The following PDE1C variants were observed in gnomAD, a reference collection of about 807,000 sequenced individuals.
The protein encoded by PDE1C is dual specificity calcium/calmodulin-dependent 3',5'-cyclic nucleotide phosphodiesterase 1C.
A neutral mutation model predicts 93.1 loss-of-function variants in PDE1C; 62 were observed. The ratio of observed to expected loss-of-function variants is 0.67; its 90% CI spans 0.54 to 0.82. The LOEUF is 0.82. Among genes scored for constraint, PDE1C ranks in the 40% least tolerant of loss-of-function variants. The pLI is 0.00. For synonymous variants in PDE1C, 325 were observed against 310.1 expected (o/e 1.05, Z -0.50); for missense variants, 742 against 884.6 (o/e 0.84, Z 2.04).
At chr7:31,893,958 G>C (rs1459097937) in intron 2 of PDE1C, among the ~76,000 whole-genome samples, 1 of 152,072 alleles carries the variant, frequency 6.6e-6, no homozygotes, top group Non-Finnish European at 1.5e-5. Flanking sequence ...TGTAAGATTT[G>C]TTTTAAATGA....
intron 3 of PDE1C, among the ~76,000 whole-genome samples, chr7:32,112,533 T>C (rs1336802711): frequency 1.3e-5 from 2 of 151,954 alleles, no homozygotes; most frequent in Admixed American, 6.6e-5. Context: ...AACAGAATCA[T>C]AGCTCATGGC....
At chr7:32,358,820 A>G (rs1331438195) in intron 1 of PDE1C, among the ~76,000 whole-genome samples, 1 of 149,140 alleles carries the variant, frequency 6.7e-6, no homozygotes, top group African/African-American at 2.5e-5. Context: ...CCAGCATTCC[A>G]TATCTCCCTC....
At chr7:32,231,716 A>G (rs1156830637) in intron 1 of PDE1C, among the ~76,000 whole-genome samples, 1 of 152,184 alleles carries the variant, frequency 6.6e-6, no homozygotes, top group Non-Finnish European at 1.5e-5. Context: ...GTACAGTTGA[A>G]ATAATATTAA....
chr7:32,399,019 A>AT (rs2128094985), intron 1 of PDE1C, among the ~76,000 whole-genome samples: 1 of 152,170 alleles, frequency 6.6e-6, no homozygotes, highest in African/African-American at 2.4e-5. Flanking sequence ...TAACTGGGGG[A>AT]GGGGCCCTGA....
At chr7:32,165,557 G>T (rs1802193712) in intron 3 of PDE1C, among the ~76,000 whole-genome samples, 1 of 152,158 alleles carries the variant, frequency 6.6e-6, no homozygotes, top group Non-Finnish European at 1.5e-5. Flanking sequence ...CATAGCAGCA[G>T]GAAAGAGAAG....
chr7:32,137,362 C>G (rs1430713239), intron 3 of PDE1C, among the ~76,000 whole-genome samples: 1 of 152,218 alleles, frequency 6.6e-6, no homozygotes, highest in African/African-American at 2.4e-5. Flanking sequence ...ACTGCAGCAC[C>G]TTTTGAGTCC....
At chr7:31,701,790 A>C in the PDE1C span, among the ~76,000 whole-genome samples, 1 of 152,330 alleles carries the variant, frequency 6.6e-6, no homozygotes, top group South Asian at 2.1e-4. Context: ...GACTCAGATA[A>C]TCATTAGCAA....
chr7:32,144,138 T>C (rs191655826), intron 3 of PDE1C, among the ~76,000 whole-genome samples: 94 of 152,242 alleles, frequency 6.2e-4, no homozygotes, highest in Non-Finnish European at 7.6e-4. Flanking sequence ...GAAAAGGAAC[T>C]CATGGTGACT....
chr7:31,695,595 C>T, the PDE1C span: 156 of 1,613,534 alleles, frequency 9.7e-5, no homozygotes, highest in African/African-American at 1.3e-3. Context: ...GATACACCGG[C>T]GCTGCACATC....
At chr7:32,117,352 G>A (rs1010310282) in intron 3 of PDE1C, among the ~76,000 whole-genome samples, 7 of 152,288 alleles carry the variant, frequency 4.6e-5, no homozygotes, top group South Asian at 2.1e-4. Context: ...TAGTTCATAC[G>A]ATGATTTCAC....
intron 1 of PDE1C, among the ~76,000 whole-genome samples, chr7:32,221,883 G>A (rs2128854879): frequency 6.6e-6 from 1 of 152,320 alleles, no homozygotes; most frequent in Middle Eastern, 3.4e-3. Flanking sequence ...GCATTCAACA[G>A]AGCAGAGCTG....
intron 2 of PDE1C, among the ~76,000 whole-genome samples, chr7:31,990,285 A>G (rs1464543574): frequency 2.6e-5 from 4 of 152,200 alleles, no homozygotes; most frequent in African/African-American, 9.7e-5. Flanking sequence ...AATAAGTCTT[A>G]TGAGATCTGA....
At chr7:32,254,700 CATGTGTGTATATGA>C (rs1336671747) in intron 1 of PDE1C, among the ~76,000 whole-genome samples, 1 of 152,048 alleles carries the variant, frequency 6.6e-6, no homozygotes, top group East Asian at 1.9e-4. Context: ...TGTGTATATG[CATGTGTGTATATGA>C]ATGTGTACAC....
chr7:31,831,784 G>A (rs1409576200), intron 11 of PDE1C, among the ~76,000 whole-genome samples: 1 of 151,868 alleles, frequency 6.6e-6, no homozygotes, highest in East Asian at 1.9e-4. Context: ...AGAAAAAGGT[G>A]AAGAAGAAGA....
chr7:31,700,874 T>C, the PDE1C span, among the ~76,000 whole-genome samples: 1 of 152,210 alleles, frequency 6.6e-6, no homozygotes, highest in Non-Finnish European at 1.5e-5. Context: ...TACTGAATAA[T>C]TTAAGCCTAC....
chr7:32,036,234 T>C (rs911975663), intron 2 of PDE1C, among the ~76,000 whole-genome samples: 9 of 152,152 alleles, frequency 5.9e-5, no homozygotes, highest in African/African-American at 2.2e-4. Flanking sequence ...GCTACATTCA[T>C]TCATTCATTC....
chr7:32,380,507 A>G (rs1482299056), intron 1 of PDE1C, among the ~76,000 whole-genome samples: 1 of 151,136 alleles, frequency 6.6e-6, no homozygotes, highest in Non-Finnish European at 1.5e-5. Flanking sequence ...TGGCCTCCCA[A>G]AGTGCTGGGA....
At chr7:32,173,262 C>T (rs561610960) in intron 2 of PDE1C, among the ~76,000 whole-genome samples, 1 of 152,160 alleles carries the variant, frequency 6.6e-6, no homozygotes, top group South Asian at 2.1e-4. Context: ...AACCCAGGAA[C>T]AGAAAACCAA....
chr7:32,060,466 C>G (rs1794677738), intron 1 of PDE1C, among the ~76,000 whole-genome samples: 1 of 152,176 alleles, frequency 6.6e-6, no homozygotes, highest in African/African-American at 2.4e-5. Context: ...GTAGCATCAT[C>G]TATGTAAGCC....
Sources: gnomAD v4.1 joint callset for allele counts (sites outside exome capture counted in the v4.1 genomes callset) on GRCh38, gnomAD v4.1.1 for gene constraint, MANE v1.5 for transcripts, NCBI Gene and HGNC (gene_info 2026-07-23, HGNC 2026-07-21) for gene names.